LRRC75A: variants seen among roughly 807,000 people sequenced by gnomAD.
LRRC75A encodes the protein leucine-rich repeat-containing protein 75A.
A neutral mutation model predicts 26.0 loss-of-function variants in LRRC75A; 12 were observed. The observed-to-expected ratio is 0.46, with a 90% CI of 0.30 to 0.75. LRRC75A has a LOEUF of 0.75. LRRC75A is among the 30% of genes least tolerant of loss of function. The pLI, the probability that LRRC75A is intolerant of heterozygous loss-of-function variation, is 0.08. For synonymous variants in LRRC75A, 223 were observed against 219.3 expected, an observed-to-expected ratio of 1.02 and a Z score of -0.15; for missense variants, 410 against 486.6, an observed-to-expected ratio of 0.84 and a Z score of 1.48.
chr17:16,490,397 G>A (rs188581275), intron 1 of LRRC75A, among the ~76,000 whole-genome samples: 1 of 152,340 alleles, frequency 6.6e-6, no homozygotes, highest in African/African-American at 2.4e-5. Flanking sequence ...AAGTTCAGTG[G>A]TGCATAATGT....
chr17:16,472,038 A>G (rs1225170371), intron 1 of LRRC75A, among the ~76,000 whole-genome samples: 1 of 152,178 alleles, frequency 6.6e-6, no homozygotes, highest in East Asian at 1.9e-4. Context: ...TGAACTGTGC[A>G]CCTAAAATGG....
intron 1 of LRRC75A, among the ~76,000 whole-genome samples, chr17:16,485,364 T>C (rs1041987525): frequency 6.6e-6 from 1 of 152,150 alleles, no homozygotes. Context: ...CCCTCATGAA[T>C]GGGATTGGTG....
intron 2 of LRRC75A, among the ~76,000 whole-genome samples, chr17:16,449,933 G>C (rs2093617152): frequency 6.6e-6 from 1 of 152,202 alleles, no homozygotes; most frequent in African/African-American, 2.4e-5. Context: ...CAGCTTTTAA[G>C]AGCAGATGGG....
chr17:16,452,540 C>T (rs1176237535), intron 2 of LRRC75A, among the ~76,000 whole-genome samples: 3 of 151,846 alleles, frequency 2.0e-5, no homozygotes, highest in African/African-American at 7.3e-5. Context: ...CAGGTTCAAA[C>T]GATTCTCCTG....
At chr17:16,480,755 G>C (rs959937431) in intron 1 of LRRC75A, among the ~76,000 whole-genome samples, 1 of 152,140 alleles carries the variant, frequency 6.6e-6, no homozygotes, top group African/African-American at 2.4e-5. Context: ...CTGCTACAGG[G>C]AAGGGGCAGC....
intron 2 of LRRC75A, among the ~76,000 whole-genome samples, chr17:16,458,264 G>A (rs541727873): frequency 9.9e-5 from 15 of 151,412 alleles, no homozygotes; most frequent in African/African-American, 2.2e-4. Flanking sequence ...TCGAGATTGC[G>A]CCATTGCACT....
At chr17:16,476,790 G>C (rs987187411) in intron 1 of LRRC75A, among the ~76,000 whole-genome samples, 10 of 140,136 alleles carry the variant, frequency 7.1e-5, no homozygotes, top group Admixed American at 1.5e-4. Context: ...CCAGGCTGGA[G>C]TGCAGTAGCA....
At chr17:16,480,000 G>A (rs1392435482) in intron 1 of LRRC75A, among the ~76,000 whole-genome samples, 2 of 152,174 alleles carry the variant, frequency 1.3e-5, no homozygotes. Flanking sequence ...TCAGATCAGT[G>A]GCAGCATTAG....
chr17:16,450,288 AAG>A (rs1407090796), intron 2 of LRRC75A, among the ~76,000 whole-genome samples: 2 of 152,184 alleles, frequency 1.3e-5, no homozygotes, highest in Non-Finnish European at 2.9e-5. Context: ...GAAGGGGGAC[AAG>A]AGAGAGAGGA....
chr17:16,461,822 G>A (rs1413661182), intron 2 of LRRC75A, among the ~76,000 whole-genome samples: 1 of 152,164 alleles, frequency 6.6e-6, no homozygotes, highest in Non-Finnish European at 1.5e-5. Flanking sequence ...AGAGAGGGCT[G>A]GATTTGAACT....
intron 1 of LRRC75A, among the ~76,000 whole-genome samples, chr17:16,481,887 CCT>C (rs374797046): frequency 2.9e-4 from 44 of 152,300 alleles, no homozygotes; most frequent in Middle Eastern, 3.4e-3. Context: ...CTCCTGTTCC[CCT>C]GATTCCCCCA....
chr17:16,476,634 G>A (rs935636635), intron 1 of LRRC75A, among the ~76,000 whole-genome samples: 5 of 151,220 alleles, frequency 3.3e-5, no homozygotes, highest in Admixed American at 1.3e-4. Flanking sequence ...GCGTGACCTC[G>A]GCTCACTGCA....
At chr17:16,472,873 T>C (rs2093810858) in intron 1 of LRRC75A, among the ~76,000 whole-genome samples, 1 of 152,226 alleles carries the variant, frequency 6.6e-6, no homozygotes, top group Non-Finnish European at 1.5e-5. Context: ...AGGAAAGTCC[T>C]GCTTTTTAGG....
At chr17:16,481,112 G>A (rs1346755205) in intron 1 of LRRC75A, among the ~76,000 whole-genome samples, 1 of 152,258 alleles carries the variant, frequency 6.6e-6, no homozygotes, top group Non-Finnish European at 1.5e-5. Context: ...GGCAGAGGCA[G>A]ATCCAGGCCC....
intron 2 of LRRC75A, among the ~76,000 whole-genome samples, chr17:16,455,402 C>T (rs975203678): frequency 1.3e-5 from 2 of 150,474 alleles, no homozygotes; most frequent in South Asian, 2.1e-4. Flanking sequence ...TTTTTTTAGA[C>T]GGAGTCTTGC....
Position 16,447,957 on chromosome 17 carries a change from C to T in LRRC75A, c.379G>A (p.Gly127Ser). ...TTCTCCATGGCGCCCAGTGCATCGC[C>T]TTCCTGCAGAGGCAACCATGGGTGG... ...ARYIHCPKPE[G>S]DALGAMEKLC... Residue 127 changes from glycine to serine, a missense_variant, in exon 3 of 4, where the codon GGC (glycine) becomes AGC (serine). Physicochemically the swap from Gly to Ser is moderately conservative, Grantham distance 56. Transcript: ENST00000470794. 1.3e-6 allele frequency: 2 copies of T among 1,551,022 alleles called. No individual in the cohort carries two copies. Among genetic ancestry groups the T allele is most frequent in the Non-Finnish European group, 1.7e-6 (2 of 1,146,876 alleles).
intron 1 of LRRC75A, among the ~76,000 whole-genome samples, chr17:16,472,376 C>T (rs539292611): frequency 9.3e-4 from 141 of 152,222 alleles, no homozygotes; most frequent in African/African-American, 3.1e-3. Flanking sequence ...GCGTGGATGG[C>T]GGAAGGCGAG....
intron 2 of LRRC75A, among the ~76,000 whole-genome samples, chr17:16,453,789 C>G (rs1383058177): frequency 6.6e-6 from 1 of 152,090 alleles, no homozygotes; most frequent in Non-Finnish European, 1.5e-5. Context: ...TTCTGCTGCC[C>G]TCCTGTCTCT....
rs894269075 is a variant in LRRC75A at position 16,443,298 on chromosome 17, C to T, written c.*290G>A. 2.5e-6 allele frequency: 1 copy of T among 402,358 alleles called. No individual in the cohort carries two copies. The highest frequency in any genetic ancestry group is 4.4e-6 in the Non-Finnish European group (1 of 224,802). 24.9% of individuals were successfully genotyped at this position (402,358 alleles called of 1,614,324 possible). ...ACCTCCAGCCATGTGCCCATTTCCA[C>T]AAGTCTTTGGGGAAGGCCATGAGCT... On this transcript the variant is annotated 3_prime_UTR_variant, in exon 4 of 4. Transcript: ENST00000470794.
Sources: allele counts gnomAD v4.1 joint callset (sites outside exome capture counted in the v4.1 genomes callset), GRCh38; gene constraint gnomAD v4.1.1; transcripts MANE v1.5; gene names NCBI Gene and HGNC (gene_info 2026-07-23, HGNC 2026-07-21).